The following LEKR1 variants were observed in gnomAD, a reference collection of about 807,000 sequenced individuals.
The protein encoded by LEKR1 is protein LEKR1.
A neutral mutation model predicts 72.4 loss-of-function variants in LEKR1; 59 were observed. The ratio of observed to expected loss-of-function variants is 0.82; its 90% CI spans 0.66 to 1.01. The LOEUF (loss-of-function observed/expected upper bound fraction) is 1.01. Ranked by LOEUF, LEKR1 falls within the 50% of genes least tolerant of loss-of-function variation. LEKR1 has a pLI of 0.00. For synonymous variants in LEKR1, 257 were observed against 263.2 expected (o/e 0.98, Z 0.23); for missense variants, 728 against 759.2 (o/e 0.96, Z 0.48).
chr3:156,942,663 C>G lies in LEKR1; in HGVS notation c.694C>G (p.Gln232Glu), dbSNP rs375967952. The G allele has an allele frequency of 1.7e-5, 21 of 1,269,236 alleles. No homozygotes were observed. Among genetic ancestry groups the G allele is most frequent in the Non-Finnish European group, 2.1e-5 (21 of 982,002 alleles). 78.6% of individuals were successfully genotyped at this position (1,269,236 alleles called of 1,614,324 possible). A position where few individuals can be genotyped will look rare whatever the true frequency, so the allele number is the denominator to read the frequency against. ...RSQQIRTSRQ[Q>E]EVNLQTRCYD... Reference sequence around the variant, plus strand: ...TCAGCAGATTCGGACATCTAGACAACAGGAAGTAAACTTGCAAACCAGATG... The same window carrying G: ...TCAGCAGATTCGGACATCTAGACAAGAGGAAGTAAACTTGCAAACCAGATG... Residue 232 changes from glutamine to glutamate, a missense_variant, in exon 6 of 13, where the codon CAG (glutamine) becomes GAG (glutamate). By Grantham distance (29) the Gln-to-Glu change is conservative. Coordinates refer to ENST00000356539, the MANE Select transcript of LEKR1 (RefSeq NM_001004316.3).
At chr3:156,936,264 G>C (rs1219780587) in intron 5 of LEKR1, among the ~76,000 whole-genome samples, 3 of 152,032 alleles carry the variant, frequency 2.0e-5, no homozygotes, top group African/African-American at 7.3e-5. Context: ...CAATATGTCT[G>C]CACTCAACCA....
At chr3:156,843,848 C>T (rs62273955) in intron 2 of LEKR1, among the ~76,000 whole-genome samples, 4,856 of 151,322 alleles carry the variant, frequency 0.032, 118 homozygotes, top group Non-Finnish European at 0.048. Flanking sequence ...TGTGTGTGGA[C>T]GTTTATGTGT....
intron 4 of LEKR1, chr3:156,924,794 T>G (rs961981785): frequency 1.9e-5 from 6 of 323,032 alleles, no homozygotes; most frequent in Non-Finnish European, 3.3e-5. Flanking sequence ...TTCTATTCTA[T>G]TCCATTAATC....
At chr3:156,983,040 G>T (rs762644760) in intron 7 of LEKR1, among the ~76,000 whole-genome samples, 2 of 152,050 alleles carry the variant, frequency 1.3e-5, no homozygotes, top group Non-Finnish European at 2.9e-5. Flanking sequence ...AGAAGGTCTT[G>T]TATGTATAGG....
At chr3:156,922,333 C>T (rs934976993) in intron 4 of LEKR1, among the ~76,000 whole-genome samples, 9 of 151,020 alleles carry the variant, frequency 6.0e-5, no homozygotes, top group African/African-American at 2.2e-4. Flanking sequence ...GGCCATAAAA[C>T]TTAGTTGCTC....
intron 9 of LEKR1, among the ~76,000 whole-genome samples, chr3:157,002,673 C>T (rs757234196): frequency 9.9e-5 from 15 of 152,048 alleles, no homozygotes; most frequent in Non-Finnish European, 1.9e-4. Context: ...ATTTCTGTAA[C>T]CATAATATCA....
chr3:156,876,652 G>T (rs752450294), intron 3 of LEKR1, among the ~76,000 whole-genome samples: 36 of 152,106 alleles, frequency 2.4e-4, no homozygotes, highest in Non-Finnish European at 4.6e-4. Context: ...CAGTGCTACT[G>T]ATTTGTTTAC....
chr3:156,907,145 A>G (rs969861627), intron 3 of LEKR1, among the ~76,000 whole-genome samples: 3 of 152,070 alleles, frequency 2.0e-5, no homozygotes, highest in Non-Finnish European at 4.4e-5. Flanking sequence ...TAAATAATCT[A>G]AATAATGTAG....
intron 12 of LEKR1, among the ~76,000 whole-genome samples, chr3:157,035,927 T>C (rs1734938072): frequency 6.6e-6 from 1 of 152,082 alleles, no homozygotes; most frequent in Admixed American, 6.6e-5. Context: ...ATAAGACCCA[T>C]TGATACTGAC....
At chr3:156,997,126 G>C (rs17383603) in intron 9 of LEKR1, among the ~76,000 whole-genome samples, 1 of 149,528 alleles carries the variant, frequency 6.7e-6, no homozygotes, top group Non-Finnish European at 1.5e-5. Flanking sequence ...TGACATTACT[G>C]TCCTAACTTG....
chr3:156,882,929 A>T (rs1218888559), intron 3 of LEKR1, among the ~76,000 whole-genome samples: 9 of 151,204 alleles, frequency 6.0e-5, no homozygotes, highest in Non-Finnish European at 1.0e-4. Context: ...ACATATTCTC[A>T]CTCATAGGTG....
At chr3:156,892,948 A>G (rs142358227) in intron 3 of LEKR1, among the ~76,000 whole-genome samples, 12 of 152,332 alleles carry the variant, frequency 7.9e-5, no homozygotes, top group African/African-American at 2.2e-4. Flanking sequence ...GAGTCATCCA[A>G]AAACTTTCAA....
rs116177673 is a variant in LEKR1 at position 156,979,358 on chromosome 3, G to A, written c.827+83G>A. ...GGCAAGAATTAGGAAGAAATGACAA[G>A]AATTATAAAGACCCTGGTGTGTTCT... On this transcript the variant is annotated intron_variant, in intron 7 of 12. Transcript: ENST00000356539. The A allele has an allele frequency of 7.1e-3, 4,075 of 570,296 alleles. 41 individuals are homozygous for A. Among genetic ancestry groups the A allele is most frequent in the South Asian group, 0.026 (1,687 of 63,730 alleles). 35.3% of individuals were successfully genotyped at this position (570,296 alleles called of 1,614,324 possible). A position where few individuals can be genotyped will look rare whatever the true frequency, so the allele number is the denominator to read the frequency against.
intron 5 of LEKR1, among the ~76,000 whole-genome samples, chr3:156,931,154 C>G (rs942313885): frequency 6.6e-6 from 1 of 151,986 alleles, no homozygotes; most frequent in Non-Finnish European, 1.5e-5. Flanking sequence ...AAATGTGTGA[C>G]AAAGAACTGT....
chr3:157,038,348 G>A (rs527432245), intron 12 of LEKR1, among the ~76,000 whole-genome samples: 2 of 152,266 alleles, frequency 1.3e-5, no homozygotes, highest in South Asian at 4.1e-4. Context: ...AATTGGGGAG[G>A]AATATCAAGA....
At chr3:157,029,306 A>C (rs1297872065) in intron 12 of LEKR1, among the ~76,000 whole-genome samples, 1 of 152,174 alleles carries the variant, frequency 6.6e-6, no homozygotes, top group African/African-American at 2.4e-5. Flanking sequence ...TATAAATATA[A>C]GATAAAATAT....
chr3:156,961,466 A>T (rs371217933), intron 6 of LEKR1, among the ~76,000 whole-genome samples: 188 of 152,272 alleles, frequency 1.2e-3, no homozygotes, highest in African/African-American at 4.3e-3. Context: ...TCCTTAACCT[A>T]CTTTCTATCT....
chr3:156,879,845 C>G (rs940541902), intron 3 of LEKR1, among the ~76,000 whole-genome samples: 3 of 152,206 alleles, frequency 2.0e-5, no homozygotes, highest in African/African-American at 7.2e-5. Flanking sequence ...GCCTTGGCAG[C>G]TTCCACATGG....
intron 9 of LEKR1, among the ~76,000 whole-genome samples, chr3:156,998,101 A>G (rs1731726640): frequency 6.6e-6 from 1 of 151,522 alleles, no homozygotes; most frequent in South Asian, 2.1e-4. Flanking sequence ...CCATTTTTAA[A>G]ATTCTTGTAA....
Sources: allele counts gnomAD v4.1 joint callset (sites outside exome capture counted in the v4.1 genomes callset), GRCh38; gene constraint gnomAD v4.1.1; transcripts MANE v1.5; gene names NCBI Gene and HGNC (gene_info 2026-07-23, HGNC 2026-07-21).